REV3L: variants seen among roughly 807,000 people sequenced by gnomAD.
REV3L encodes DNA polymerase zeta catalytic subunit.
REV3L carries 69 observed loss-of-function variants against 299.4 expected under a neutral mutation model. The ratio of observed to expected loss-of-function variants is 0.23; its 90% confidence interval spans 0.19 to 0.28. REV3L has a LOEUF of 0.28. Among genes scored for constraint, REV3L ranks in the 10% least tolerant of loss-of-function variants. The pLI is 1.00. For missense variants in REV3L, 3,128 were observed against 3,693.8 expected (o/e 0.85, Z 3.97); for synonymous variants, 1,238 against 1,271.4 (o/e 0.97, Z 0.56).
chr6:111,316,244 TG>T (rs1379340505), intron 26 of REV3L, among the ~76,000 whole-genome samples: 3 of 148,782 alleles, frequency 2.0e-5, no homozygotes, highest in African/African-American at 7.4e-5. Flanking sequence ...AAAAAAAGGT[TG>T]GGGACCACTG....
rs1354975421 is a variant in REV3L, at chr6:111,372,752, C to T, written c.5603G>A (p.Gly1868Asp). The part of the protein sequence containing the change: ...STSSPSQSKN[G>D]SFTPRTANIL... Reference sequence around the variant, plus strand: ...GTTAGCAGTTCGAGGGGTGAAGCTGCCATTTTTAGATTGTGAAGGAGAGCT... The same window carrying T: ...GTTAGCAGTTCGAGGGGTGAAGCTGTCATTTTTAGATTGTGAAGGAGAGCT... The change falls in exon 13 of 32, where the codon GGC (glycine) becomes GAC (aspartate). Residue 1868 changes from glycine (G) to aspartate (D), a missense_variant. Physicochemically the swap from Gly to Asp is moderately conservative, Grantham distance 94 (BLOSUM62 -1). Coordinates refer to ENST00000368802, the MANE Select transcript of REV3L (RefSeq NM_001372078.1). The T allele has an allele frequency of 4.3e-6, 7 of 1,612,368 alleles. No homozygotes were observed. The highest frequency in any genetic ancestry group is 5.9e-6 in the Non-Finnish European group (7 of 1,179,308).
chr6:111,473,226 ATTT>A (rs1436390885), intron 1 of REV3L, among the ~76,000 whole-genome samples: 1 of 42,016 alleles, frequency 2.4e-5, no homozygotes, highest in South Asian at 1.5e-3. Context: ...TTTCACTTAG[ATTT>A]TTTTTTTTTT....
At chr6:111,394,305 GGT>G (rs1782245521) in intron 4 of REV3L, among the ~76,000 whole-genome samples, 1 of 151,948 alleles carries the variant, frequency 6.6e-6, no homozygotes, top group Non-Finnish European at 1.5e-5. Context: ...AGCATTTGTT[GGT>G]GTCTTTTCCG....
intron 31 of REV3L, among the ~76,000 whole-genome samples, chr6:111,304,733 G>A (rs1400430298): frequency 6.6e-6 from 1 of 151,086 alleles, no homozygotes; most frequent in African/African-American, 2.4e-5. Flanking sequence ...TGTAGTATCT[G>A]ACAGGTGGTT....
intron 1 of REV3L, among the ~76,000 whole-genome samples, chr6:111,466,847 A>C (rs1472215847): frequency 6.6e-6 from 1 of 152,238 alleles, no homozygotes; most frequent in Non-Finnish European, 1.5e-5. Flanking sequence ...GTCTCAAAAA[A>C]TAAAATAAAA....
chr6:111,447,949 T>TC (rs1789049720), intron 1 of REV3L, among the ~76,000 whole-genome samples: 1 of 152,182 alleles, frequency 6.6e-6, no homozygotes, highest in Admixed American at 6.5e-5. Context: ...ATAGGTTATT[T>TC]CCCCACACAA....
chr6:111,341,759 G>C lies in REV3L; in HGVS notation c.7538+2166C>G, dbSNP rs575348647. ...GAGCTGTGCAAGTGGCAGGAGTTGG[G>C]GGGGGTCAGAAGTATAGCTGGATTC... On this transcript the variant is annotated intron_variant, in intron 21 of 31. Transcript: ENST00000368802. 2.2e-3 allele frequency among the ~76,000 whole-genome samples: 338 copies of C among 151,870 alleles called. 1 individual carries two copies. Among genetic ancestry groups the C allele is most frequent in the African/African-American group, 7.7e-3 (319 of 41,494 alleles).
chr6:111,399,452 T>C (rs1415559429), intron 4 of REV3L, among the ~76,000 whole-genome samples: 1 of 152,190 alleles, frequency 6.6e-6, no homozygotes, highest in Non-Finnish European at 1.5e-5. Flanking sequence ...CAAAACCTTT[T>C]ATTTGAATGT....
chr6:111,393,441 G>A (rs1782146915), intron 4 of REV3L, among the ~76,000 whole-genome samples: 1 of 152,104 alleles, frequency 6.6e-6, no homozygotes, highest in African/African-American at 2.4e-5. Flanking sequence ...AATCTGTAAT[G>A]ACAAAATCAA....
chr6:111,321,180 G>A (rs975102070), intron 26 of REV3L, among the ~76,000 whole-genome samples: 47 of 152,072 alleles, frequency 3.1e-4, no homozygotes, highest in Non-Finnish European at 1.0e-4. Flanking sequence ...CATCACTTGA[G>A]GCACATTCTA....
In REV3L at chr6:111,375,009, T is replaced by C; in HGVS notation, c.3346A>G (p.Arg1116Gly). 1.9e-6 allele frequency: 3 copies of C among 1,613,384 alleles called. No homozygotes were observed. The highest frequency in any genetic ancestry group is 2.5e-6 in the Non-Finnish European group (3 of 1,179,738). Residue 1116 changes from arginine to glycine, a missense_variant, in exon 13 of 32, where the codon AGA (arginine) becomes GGA (glycine). Coordinates refer to ENST00000368802, the MANE Select transcript of REV3L (RefSeq NM_001372078.1). ...GAAGAATTTATGGGACTTGTGCTTC[T>C]CTCAGAAAGAAAACCTAGTTTAGAC... ...VMSKLGFLSE[R>G]STSPINSSPP...
At chr6:111,438,014 ATTT>A (rs113741430) in intron 1 of REV3L, among the ~76,000 whole-genome samples, 7 of 146,664 alleles carry the variant, frequency 4.8e-5, no homozygotes, top group African/African-American at 1.8e-4. Flanking sequence ...CACCTGCCTA[ATTT>A]TTTTTTTTTT....
At chr6:111,448,314 C>G (rs1328414550) in intron 1 of REV3L, among the ~76,000 whole-genome samples, 2 of 152,028 alleles carry the variant, frequency 1.3e-5, no homozygotes, top group African/African-American at 2.4e-5. Flanking sequence ...AATAAATCCC[C>G]TTTTTATTGG....
At position 111,299,391 on chromosome 6, in the gene REV3L, A is replaced by T. The variant is rs969733924; in HGVS notation, c.*625T>A. On this transcript the variant is annotated 3_prime_UTR_variant, in exon 32 of 32. Coordinates refer to ENST00000368802, the MANE Select transcript of REV3L (RefSeq NM_001372078.1). ...ATGCCCCATTAATAGCTAAAGCAAG[A>T]CAGCATTTTTTAAAAAAAAATAATG... is the stretch of plus-strand genomic sequence containing the variant. 2.2e-5 allele frequency: 2 copies of T among 89,998 alleles called. No homozygotes were observed. Among genetic ancestry groups the T allele is most frequent in the African/African-American group, 6.3e-5 (2 of 31,952 alleles). The allele number at this position is 89,998 out of a possible 1,614,324, so 5.6% of individuals were successfully genotyped here.
intron 1 of REV3L, among the ~76,000 whole-genome samples, chr6:111,448,784 CTATTT>C (rs1428743116): frequency 9.2e-6 from 1 of 108,272 alleles, no homozygotes; most frequent in Non-Finnish European, 2.3e-5. Flanking sequence ...CCACACTTGG[CTATTT>C]TTTTTTTTTT....
At chr6:111,341,240 G>T (rs919330033) in intron 21 of REV3L, among the ~76,000 whole-genome samples, 5 of 151,988 alleles carry the variant, frequency 3.3e-5, no homozygotes, top group South Asian at 2.1e-4. Flanking sequence ...TAGAGATGGG[G>T]TTTCACCACA....
At chr6:111,368,906 A>C (rs1482288043) in intron 13 of REV3L, among the ~76,000 whole-genome samples, 2 of 152,128 alleles carry the variant, frequency 1.3e-5, no homozygotes, top group Non-Finnish European at 2.9e-5. Context: ...AAATCCACTA[A>C]CTGGATCATG....
At chr6:111,301,622 T>C (rs910494973) in intron 31 of REV3L, among the ~76,000 whole-genome samples, 7 of 152,168 alleles carry the variant, frequency 4.6e-5, no homozygotes, top group African/African-American at 1.7e-4. Context: ...AGACCCATAA[T>C]GAGTCAGAAT....
At position 111,315,482 on chromosome 6, in the gene REV3L, G is replaced by T. The variant is rs1773419285; in HGVS notation, c.8352-101C>A. ...GCTATGACTCTTGTCTAATGCCAAA[G>T]AAAACTCCCTTTCTCCTATTTACTC... On this transcript the variant is annotated intron_variant, in intron 26 of 31. Coordinates refer to ENST00000368802, the MANE Select transcript of REV3L (RefSeq NM_001372078.1). 3.8e-6 allele frequency: 3 copies of T among 781,694 alleles called. No individual in the cohort carries two copies. The Admixed American group carries it at 7.8e-5, about 20-fold the overall frequency. 48.4% of individuals were successfully genotyped at this position (781,694 alleles called of 1,614,324 possible). A position where few individuals can be genotyped will look rare whatever the true frequency, so the allele number is the denominator to read the frequency against.
Sources: gnomAD v4.1 joint callset for allele counts (sites outside exome capture counted in the v4.1 genomes callset) on GRCh38, gnomAD v4.1.1 for gene constraint, MANE v1.5 for transcripts, NCBI Gene and HGNC (gene_info 2026-07-23, HGNC 2026-07-21) for gene names.